Variants in RAP1GAP2 observed in about 807,000 individuals in gnomAD.
RAP1GAP2 encodes rap1 GTPase-activating protein 2.
RAP1GAP2 carries 27 observed loss-of-function variants against 95.0 expected under a neutral mutation model. The ratio of observed to expected loss-of-function variants is 0.28; its 90% CI spans 0.21 to 0.39. The LOEUF is 0.39. RAP1GAP2 is among the 10% of genes least tolerant of loss of function. RAP1GAP2 has a pLI of 1.00. For missense variants in RAP1GAP2, 771 were observed against 970.0 expected (o/e 0.79, Z 2.72); for synonymous variants, 373 against 380.9 (o/e 0.98, Z 0.24).
intron 2 of RAP1GAP2, among the ~76,000 whole-genome samples, chr17:2,851,834 G>A (rs577680247): frequency 6.6e-6 from 1 of 152,254 alleles, no homozygotes; most frequent in Non-Finnish European, 1.5e-5. Flanking sequence ...GCCTGCCTCG[G>A]CCTTCCAAAG....
At chr17:2,890,467 C>G (rs80007480) in intron 2 of RAP1GAP2, among the ~76,000 whole-genome samples, 1 of 151,898 alleles carries the variant, frequency 6.6e-6, no homozygotes, top group Non-Finnish European at 1.5e-5. Context: ...GCTGGAAGGC[C>G]GGTTGGCTCT....
chr17:2,824,770 G>A (rs1282486335), intron 2 of RAP1GAP2, among the ~76,000 whole-genome samples: 4 of 148,504 alleles, frequency 2.7e-5, no homozygotes, highest in African/African-American at 5.0e-5. Context: ...AAAAGAAATA[G>A]CATATGGGTC....
chr17:2,809,412 G>A (rs76240334), intron 2 of RAP1GAP2, among the ~76,000 whole-genome samples: 12 of 152,208 alleles, frequency 7.9e-5, no homozygotes, highest in Admixed American at 2.6e-4. Context: ...AGGGCTAACC[G>A]TGTGAGTGTG....
In RAP1GAP2 at chr17:2,906,166, C is replaced by T. The variant is rs1310202829; in HGVS notation, c.165+798C>T. 6.6e-6 allele frequency among the ~76,000 whole-genome samples: 1 copy of T among 152,060 alleles called. No individual in the cohort carries two copies. The highest frequency in any genetic ancestry group is 1.5e-5 in the Non-Finnish European group (1 of 68,004). On this transcript the variant is annotated intron_variant, in intron 3 of 24. Transcript: ENST00000254695. The surrounding 1 kb of genome is among the most constrained non-coding windows in gnomAD (Gnocchi z 4.3). Reference sequence around the variant, plus strand: ...CTAGTGCTGAAGAAGTCACCTGCCTCCTGAGTCATCTGAGGGGACATCTAG... The same window carrying T: ...CTAGTGCTGAAGAAGTCACCTGCCTTCTGAGTCATCTGAGGGGACATCTAG...
rs181300440 is a variant in RAP1GAP2 at position 2,960,243 on chromosome 17, G to T, written c.202-2427G>T. 3.6e-3 allele frequency among the ~76,000 whole-genome samples: 555 copies of T among 152,264 alleles called. 2 individuals carry two copies. Among genetic ancestry groups the T allele is most frequent in the African/African-American group, 0.012 (504 of 41,554 alleles). On this transcript the variant is annotated intron_variant, in intron 4 of 24. Coordinates refer to ENST00000254695, the MANE Select transcript of RAP1GAP2 (RefSeq NM_015085.5). ...GTAGGTTATTAGGGGAGGGAGTGGC[G>T]TGGGGAGGGGATGGGAGGAAGTTTG...
chr17:2,992,307 G>A (rs1023870417), intron 12 of RAP1GAP2, among the ~76,000 whole-genome samples: 3 of 151,770 alleles, frequency 2.0e-5, no homozygotes, highest in African/African-American at 4.8e-5. Flanking sequence ...ACTACAAGGC[G>A]CGCGCCACCA....
intron 1 of RAP1GAP2, among the ~76,000 whole-genome samples, chr17:2,785,151 A>T (rs1284078672): frequency 6.6e-6 from 1 of 152,186 alleles, no homozygotes; most frequent in Non-Finnish European, 1.5e-5. Context: ...CAGGGGGCCC[A>T]GGAAGAATCT....
At position 2,870,004 on chromosome 17, in the gene RAP1GAP2, CCAGGGTGCGTTGACCTGCAGAG is replaced by C. The variant is rs369004142; in HGVS notation, c.81-35275_81-35254del. On this transcript the variant is annotated intron_variant, in intron 2 of 24. Coordinates refer to ENST00000254695, the MANE Select transcript of RAP1GAP2 (RefSeq NM_015085.5). The surrounding 1 kb of genome is among the most constrained non-coding windows in gnomAD (Gnocchi z 4.4). ...TGCTTTGAGATGGGCAGCAGCTACTCCAGGGTGCGTTGACCTGCAGAGCAGGCCTCAGGGGTGGGAATCTGTA... is the reference window on the plus strand; with the variant it reads ...TGCTTTGAGATGGGCAGCAGCTACTCCAGGCCTCAGGGGTGGGAATCTGTA... Among the ~76,000 whole-genome samples the C allele has an allele frequency of 0.018, 2,689 of 152,268 alleles. 69 individuals are homozygous for C. Among genetic ancestry groups the C allele is most frequent in the African/African-American group, 0.061 (2,525 of 41,548 alleles).
At chr17:2,845,816 G>A (rs762627193) in intron 2 of RAP1GAP2, among the ~76,000 whole-genome samples, 18 of 151,576 alleles carry the variant, frequency 1.2e-4, no homozygotes, top group Non-Finnish European at 2.5e-4. Flanking sequence ...AGCCGAGGTC[G>A]CACCACTACA....
intron 2 of RAP1GAP2, among the ~76,000 whole-genome samples, chr17:2,891,360 C>T (rs1418175335): frequency 6.6e-6 from 1 of 152,032 alleles, no homozygotes; most frequent in Non-Finnish European, 1.5e-5. Flanking sequence ...AAACTGGTCT[C>T]AAACTCCTGA....
At chr17:2,914,584 G>A (rs1435164675) in intron 3 of RAP1GAP2, among the ~76,000 whole-genome samples, 1 of 151,984 alleles carries the variant, frequency 6.6e-6, no homozygotes, top group Non-Finnish European at 1.5e-5. Flanking sequence ...TCTGCCTCCT[G>A]GGTTCACACC....
chr17:2,817,503 C>T lies in RAP1GAP2; in HGVS notation c.80+16953C>T, dbSNP rs865862424. ...TCTATTTAGGAGCAGAATTGCTGAT[C>T]GTATGGCAATTCTATGTATAGTTTT... On this transcript the variant is annotated intron_variant, in intron 2 of 24. Transcript: ENST00000254695. Among the ~76,000 whole-genome samples the T allele has an allele frequency of 4.1e-4, 48 of 117,706 alleles. 15 individuals carry two copies. The highest frequency in any genetic ancestry group is 4.2e-4 in the Non-Finnish European group (21 of 49,550). 77.2% of individuals were successfully genotyped at this position (117,706 alleles called of 152,430 possible).
At chr17:2,856,863 A>T (rs1227242770) in intron 2 of RAP1GAP2, among the ~76,000 whole-genome samples, 2 of 152,198 alleles carry the variant, frequency 1.3e-5, no homozygotes, top group East Asian at 1.9e-4. Flanking sequence ...CATGGACTTA[A>T]CCTACCCAAG....
At chr17:2,937,227 C>G (rs1244650486) in intron 3 of RAP1GAP2, among the ~76,000 whole-genome samples, 1 of 152,130 alleles carries the variant, frequency 6.6e-6, no homozygotes, top group Non-Finnish European at 1.5e-5. Flanking sequence ...CTTCCTTGGT[C>G]TCCAGCTCCA....
At chr17:2,869,911 C>G (rs933052364) in intron 2 of RAP1GAP2, among the ~76,000 whole-genome samples, 1 of 152,106 alleles carries the variant, frequency 6.6e-6, no homozygotes, top group South Asian at 2.1e-4. Context: ...AACGTGGCTC[C>G]GGGCCACGTG....
intron 10 of RAP1GAP2, among the ~76,000 whole-genome samples, chr17:2,983,258 T>C (rs185167395): frequency 2.4e-3 from 365 of 152,292 alleles, no homozygotes; most frequent in African/African-American, 8.3e-3. Context: ...TTTAATGTTT[T>C]CACCGCTGTC....
intron 3 of RAP1GAP2, among the ~76,000 whole-genome samples, chr17:2,951,113 G>A (rs1055379694): frequency 8.5e-5 from 13 of 152,312 alleles, no homozygotes; most frequent in Non-Finnish European, 1.6e-4. Flanking sequence ...GAGTTCTGGG[G>A]TTCAGCATCT....
intron 14 of RAP1GAP2, among the ~76,000 whole-genome samples, chr17:2,999,571 G>A (rs766997622): frequency 1.0e-3 from 152 of 152,224 alleles, no homozygotes; most frequent in Middle Eastern, 6.8e-3. Flanking sequence ...TGATTCCTGG[G>A]GTTCATGAGG....
At chr17:2,778,415 T>G in intron 1 of RAP1GAP2, among the ~76,000 whole-genome samples, 1 of 152,070 alleles carries the variant, frequency 6.6e-6, no homozygotes, top group South Asian at 2.1e-4. Context: ...GGGGCTGGTC[T>G]AAGTGGGACT....
Sources: gnomAD v4.1 joint callset for allele counts (sites outside exome capture counted in the v4.1 genomes callset) on GRCh38, gnomAD v4.1.1 for gene constraint, Gnocchi (gnomAD v3.1) non-coding constraint, MANE v1.5 for transcripts, NCBI Gene and HGNC (gene_info 2026-07-23, HGNC 2026-07-21) for gene names.